Variants in RAB3B observed in about 807,000 individuals in gnomAD.
RAB3B encodes the protein ras-related protein Rab-3B.
A neutral mutation model predicts 20.5 loss-of-function variants in RAB3B; 11 were observed. That is an observed-to-expected ratio of 0.54 (90% CI 0.34 to 0.89). The LOEUF (loss-of-function observed/expected upper bound fraction) is 0.89. Among genes scored for constraint, RAB3B ranks in the 40% least tolerant of loss-of-function variants. RAB3B has a pLI of 0.02. For missense variants in RAB3B, 225 were observed against 280.9 expected (o/e 0.80, Z 1.42); for synonymous variants, 99 against 106.3 (o/e 0.93, Z 0.42).
chr1:51,937,471 T>A, intron 2 of RAB3B, 59 bp from the exon 3 acceptor site: 1 of 1,203,476 alleles, frequency 8.3e-7, no homozygotes, highest in Non-Finnish European at 1.2e-6. Context: ...TCCTAAAAAG[T>A]CCCCAGGACA....
At chr1:51,959,161 G>C (rs1333602151) in intron 2 of RAB3B, among the ~76,000 whole-genome samples, 1 of 152,108 alleles carries the variant, frequency 6.6e-6, no homozygotes, top group Non-Finnish European at 1.5e-5. Context: ...GGTCATCAAA[G>C]GTTTCCCAGA....
At chr1:51,961,847 T>C (rs1261521217) in intron 2 of RAB3B, among the ~76,000 whole-genome samples, 1 of 152,168 alleles carries the variant, frequency 6.6e-6, no homozygotes, top group Non-Finnish European at 1.5e-5. Flanking sequence ...CTCGGCTCAC[T>C]GCAACCTCCG....
In RAB3B at chr1:51,909,369, C is replaced by T. The variant is rs1445246473; in HGVS notation, c.*10558G>A. On this transcript the variant is annotated 3_prime_UTR_variant, in exon 5 of 5. Coordinates refer to ENST00000371655, the MANE Select transcript of RAB3B (RefSeq NM_002867.4). ...CTAAAATGTACTTTTATTTGACTCT[C>T]ATAACTATTTTGTGAAGTAGGGAAG... The T allele has an allele frequency of 6.6e-6, 1 of 152,186 alleles. No homozygotes were observed. Among genetic ancestry groups the T allele is most frequent in the Admixed American group, 6.5e-5 (1 of 15,278 alleles). 9.4% of individuals were successfully genotyped at this position (152,186 alleles called of 1,614,324 possible). A position where few individuals can be genotyped will look rare whatever the true frequency, so the allele number is the denominator to read the frequency against.
chr1:51,980,855 T>C (rs1329252631), intron 1 of RAB3B: 1 of 677,820 alleles, frequency 1.5e-6, no homozygotes, highest in Non-Finnish European at 2.6e-6. Flanking sequence ...GATGGACTAT[T>C]TCCTGGAGAA....
chr1:51,989,989 A>G (rs1443490928), intron 1 of RAB3B, among the ~76,000 whole-genome samples: 1 of 36,736 alleles, frequency 2.7e-5, no homozygotes. Flanking sequence ...TCTCCCAACC[A>G]GACACTCCCC....
rs1446397513 is a variant in RAB3B at position 51,910,414 on chromosome 1, C to T, written c.*9513G>A. ...CAAACAAATGGGACTGTGCTCTATT[C>T]TCAACAAGTGTCAGAGATTCTTGTT... On this transcript the variant is annotated 3_prime_UTR_variant, in exon 5 of 5. Coordinates refer to ENST00000371655, the MANE Select transcript of RAB3B (RefSeq NM_002867.4). 1 of 152,166 alleles carries T rather than the reference C, an allele frequency of 6.6e-6. No homozygotes were observed. The highest frequency in any genetic ancestry group is 2.4e-5 in the African/African-American group (1 of 41,422). The allele number at this position is 152,166 out of a possible 1,614,324, so 9.4% of individuals were successfully genotyped here.
chr1:51,930,528 A>T (rs752389888), intron 4 of RAB3B, among the ~76,000 whole-genome samples: 18 of 152,212 alleles, frequency 1.2e-4, no homozygotes, highest in Non-Finnish European at 2.4e-4. Context: ...CAAGTTACTC[A>T]ACTTCTCTGT....
At chr1:51,982,956 A>G (rs900672510) in intron 1 of RAB3B, among the ~76,000 whole-genome samples, 4 of 152,112 alleles carry the variant, frequency 2.6e-5, no homozygotes, top group African/African-American at 9.7e-5. Context: ...AGGCCTTCAC[A>G]TTCACTCACC....
intron 2 of RAB3B, among the ~76,000 whole-genome samples, chr1:51,940,552 G>A (rs981072984): frequency 4.6e-5 from 7 of 152,098 alleles, no homozygotes; most frequent in Non-Finnish European, 1.0e-4. Flanking sequence ...GAACCCAGGA[G>A]GCAGGGTCGC....
At chr1:51,935,237 C>T (rs1684383277) in intron 3 of RAB3B, among the ~76,000 whole-genome samples, 1 of 152,178 alleles carries the variant, frequency 6.6e-6, no homozygotes, top group African/African-American at 2.4e-5. Flanking sequence ...TACTACTGAC[C>T]CTGCTCTTAA....
intron 2 of RAB3B, among the ~76,000 whole-genome samples, chr1:51,971,393 C>T (rs962345877): frequency 6.6e-6 from 1 of 151,890 alleles, no homozygotes; most frequent in Non-Finnish European, 1.5e-5. Context: ...CAAATAGTAC[C>T]TAATCCTATA....
chr1:51,931,910 C>T (rs1027547749), intron 4 of RAB3B, among the ~76,000 whole-genome samples: 2 of 151,950 alleles, frequency 1.3e-5, no homozygotes, highest in African/African-American at 4.8e-5. Flanking sequence ...TCCAGGGAGA[C>T]TACAGGTTGA....
intron 2 of RAB3B, among the ~76,000 whole-genome samples, chr1:51,972,319 C>G (rs1172819487): frequency 6.6e-6 from 1 of 152,160 alleles, no homozygotes; most frequent in Non-Finnish European, 1.5e-5. Flanking sequence ...AATTGATCAT[C>G]AAATTCTGTA....
At chr1:51,931,351 C>G (rs1356171022) in intron 4 of RAB3B, among the ~76,000 whole-genome samples, 1 of 152,140 alleles carries the variant, frequency 6.6e-6, no homozygotes, top group East Asian at 1.9e-4. Flanking sequence ...CTCCTCTATG[C>G]TCCCCCAACA....
At chr1:51,970,863 T>G (rs1684920387) in intron 2 of RAB3B, among the ~76,000 whole-genome samples, 1 of 150,924 alleles carries the variant, frequency 6.6e-6, no homozygotes, top group Admixed American at 6.6e-5. Flanking sequence ...AAAAAAAAAT[T>G]AGCTGGGCTT....
chr1:51,936,046 T>C (rs996384725), intron 3 of RAB3B, among the ~76,000 whole-genome samples: 9 of 152,100 alleles, frequency 5.9e-5, no homozygotes, highest in African/African-American at 2.4e-5. Flanking sequence ...TTATGACAAC[T>C]GCTCCCTGGG....
chr1:51,971,589 C>T (rs1453340696), intron 2 of RAB3B, among the ~76,000 whole-genome samples: 14 of 151,898 alleles, frequency 9.2e-5, no homozygotes, highest in East Asian at 1.9e-4. Flanking sequence ...CCTGCCACCA[C>T]GCCCAGCTAA....
chr1:51,919,944 G>C lies in RAB3B; in HGVS notation c.643C>G (p.Gln215Glu). 6.2e-7 allele frequency: 1 copy of C among 1,613,546 alleles called. No homozygotes were observed. The highest frequency in any genetic ancestry group is 8.5e-7 in the Non-Finnish European group (1 of 1,179,766). ...RLSDTPPLLQ[Q>E]NCSC ...GGCCTTGCCTAGCATGAGCAGTTCT[G>C]CTGCAGCAGCGGTGGGGTGTCCGAG... is the stretch of plus-strand genomic sequence containing the variant. Residue 215 changes from glutamine (Q) to glutamate (E), a missense_variant, in exon 5 of 5, where the codon CAG (glutamine) becomes GAG (glutamate). Physicochemically the swap from Gln to Glu is conservative, Grantham distance 29 (BLOSUM62 2). Coordinates refer to ENST00000371655, the MANE Select transcript of RAB3B (RefSeq NM_002867.4).
chr1:51,971,279 G>A (rs1684929891), intron 2 of RAB3B, among the ~76,000 whole-genome samples: 4 of 151,464 alleles, frequency 2.6e-5, no homozygotes, highest in African/African-American at 9.7e-5. Context: ...GAAGTGATAT[G>A]TATAAACACA....
Sources: gnomAD v4.1 joint callset for allele counts (sites outside exome capture counted in the v4.1 genomes callset) on GRCh38, gnomAD v4.1.1 for gene constraint, MANE v1.5 for transcripts, NCBI Gene and HGNC (gene_info 2026-07-23, HGNC 2026-07-21) for gene names.